Variants in CFAP77 observed in about 807,000 individuals in gnomAD.
CFAP77 encodes cilia- and flagella-associated protein 77.
Under a neutral mutation model 31.1 loss-of-function variants are expected in CFAP77, and 25 were observed. That is an observed-to-expected ratio of 0.80 (90% CI 0.59 to 1.12). The LOEUF (loss-of-function observed/expected upper bound fraction) is 1.12. Among genes scored for constraint, CFAP77 ranks in the 50% most tolerant of loss-of-function variants. The pLI, the probability that CFAP77 is intolerant of heterozygous loss-of-function variation, is 0.00. For synonymous variants in CFAP77, 151 were observed against 159.9 expected (o/e 0.94, Z 0.42); for missense variants, 377 against 397.3 (o/e 0.95, Z 0.44).
intron 5 of CFAP77, among the ~76,000 whole-genome samples, chr9:132,549,607 G>A (rs1852792407): frequency 6.6e-6 from 1 of 152,222 alleles, no homozygotes; most frequent in African/African-American, 2.4e-5. Flanking sequence ...GGAGGCTGAG[G>A]CGGGTGGATC....
rs1281224942 is a variant in CFAP77, at chr9:132,480,059, G to C, written c.196-18636G>C. 6.6e-6 allele frequency among the ~76,000 whole-genome samples: 1 copy of C among 152,166 alleles called. No homozygotes were observed. Among genetic ancestry groups the C allele is most frequent in the Non-Finnish European group, 1.5e-5 (1 of 68,016 alleles). Reference sequence around the variant, plus strand: ...CTCCAGATAGGAAATGGCAGAGCTGGTGGGGGGGACCCTGAAAATCAACCG... The same window carrying C: ...CTCCAGATAGGAAATGGCAGAGCTGCTGGGGGGGACCCTGAAAATCAACCG... On this transcript the variant is annotated intron_variant, in intron 1 of 5. Coordinates refer to ENST00000393216, the MANE Select transcript of CFAP77 (RefSeq NM_001282957.2). This position sits in a 1 kb window ranked among gnomAD's most constrained non-coding sequence, Gnocchi z 5.8.
chr9:132,546,633 A>G (rs1852736351), intron 5 of CFAP77, among the ~76,000 whole-genome samples: 1 of 152,188 alleles, frequency 6.6e-6, no homozygotes. Context: ...CGGGCCACTT[A>G]CAGGGTCGAG....
chr9:132,488,630 C>T (rs927919212), intron 1 of CFAP77, among the ~76,000 whole-genome samples: 10 of 152,216 alleles, frequency 6.6e-5, no homozygotes, highest in African/African-American at 2.4e-4. Context: ...CAGGTAGCTT[C>T]GGATCAAAGC....
intron 1 of CFAP77, among the ~76,000 whole-genome samples, chr9:132,476,188 G>A (rs1224681839): frequency 2.0e-5 from 3 of 152,168 alleles, no homozygotes; most frequent in Admixed American, 6.5e-5. Context: ...ATGCCCAGCT[G>A]TTCTGTAAGT....
intron 3 of CFAP77, among the ~76,000 whole-genome samples, chr9:132,532,585 T>C (rs1354377207): frequency 6.6e-6 from 1 of 152,190 alleles, no homozygotes; most frequent in Non-Finnish European, 1.5e-5. Flanking sequence ...GCAGGCCACA[T>C]AAAACGCAGA....
At chr9:132,504,366 A>G (rs957321454) in intron 3 of CFAP77, among the ~76,000 whole-genome samples, 1 of 152,238 alleles carries the variant, frequency 6.6e-6, no homozygotes, top group Non-Finnish European at 1.5e-5. Context: ...AGCTTTCAAT[A>G]TAGAATCTTA....
At chr9:132,505,988 C>T (rs755702147) in intron 3 of CFAP77, among the ~76,000 whole-genome samples, 6 of 152,192 alleles carry the variant, frequency 3.9e-5, no homozygotes, top group Non-Finnish European at 7.3e-5. Context: ...TAATTGCTAA[C>T]CCTTATGTCC....
At chr9:132,440,990 C>G (rs1305828099) in intron 1 of CFAP77, among the ~76,000 whole-genome samples, 2 of 152,204 alleles carry the variant, frequency 1.3e-5, no homozygotes, top group African/African-American at 4.8e-5. Context: ...AGTCTAGCCT[C>G]CTTGATTTGA....
At chr9:132,520,883 G>A (rs1038327032) in intron 3 of CFAP77, among the ~76,000 whole-genome samples, 3 of 152,206 alleles carry the variant, frequency 2.0e-5, no homozygotes, top group South Asian at 2.1e-4. Context: ...CAGGAGGGCC[G>A]TGCTGCCTAG....
At chr9:132,502,951 C>G (rs1485437299) in intron 3 of CFAP77, among the ~76,000 whole-genome samples, 1 of 152,174 alleles carries the variant, frequency 6.6e-6, no homozygotes, top group African/African-American at 2.4e-5. Context: ...GGGAAAGAAC[C>G]CTGAGGATTG....
Position 132,545,675 on chromosome 9 carries a change from C to T in CFAP77, c.732+2628C>T, listed in dbSNP as rs955409656. Among the ~76,000 whole-genome samples, 1 of 152,186 alleles carries T rather than the reference C, an allele frequency of 6.6e-6. No individual in the cohort carries two copies. Among genetic ancestry groups the T allele is most frequent in the African/African-American group, 2.4e-5 (1 of 41,434 alleles). ...GTGCTGCCGTTATGGGTGTCACACG[C>T]AGTCGCCTCCTTGTCAGGAAGTAAC... On this transcript the variant is annotated intron_variant, in intron 5 of 5. Coordinates refer to ENST00000393216, the MANE Select transcript of CFAP77 (RefSeq NM_001282957.2). This position sits in a 1 kb window ranked among gnomAD's most constrained non-coding sequence, Gnocchi z 4.6.
chr9:132,565,446 A>G lies in CFAP77; in HGVS notation c.733-6942A>G, dbSNP rs1829873701. The stretch of plus-strand genomic sequence containing the variant: ...GGAGTTCCAGAGCAGCCTGGCTAAC[A>G]TGGTAAAACCCCGTCTCTACTAAAA... On this transcript the variant is annotated intron_variant, in intron 5 of 5. Transcript: ENST00000393216. The surrounding 1 kb of genome is among the most constrained non-coding windows in gnomAD (Gnocchi z 4.1). Among the ~76,000 whole-genome samples, 1 of 152,034 alleles carries G rather than the reference A, an allele frequency of 6.6e-6. No homozygotes were observed. Among genetic ancestry groups the G allele is most frequent in the South Asian group, 2.1e-4 (1 of 4,816 alleles).
intron 1 of CFAP77, among the ~76,000 whole-genome samples, chr9:132,442,778 G>A (rs1850633979): frequency 6.6e-6 from 1 of 151,808 alleles, no homozygotes; most frequent in Non-Finnish European, 1.5e-5. Context: ...CTGGGCTCAA[G>A]CGATCCTCCC....
intron 1 of CFAP77, among the ~76,000 whole-genome samples, chr9:132,435,419 T>C (rs867663680): frequency 6.6e-6 from 1 of 152,238 alleles, no homozygotes; most frequent in South Asian, 2.1e-4. Context: ...GCTATCACCA[T>C]GCGTAGCTTT....
chr9:132,483,874 A>G (rs1469869660), intron 1 of CFAP77, among the ~76,000 whole-genome samples: 2 of 151,470 alleles, frequency 1.3e-5, no homozygotes, highest in African/African-American at 4.9e-5. Context: ...TCCTTAAGGG[A>G]GAAAGAGTTT....
At chr9:132,414,277 G>A (rs1298293781) in intron 1 of CFAP77, among the ~76,000 whole-genome samples, 1 of 152,200 alleles carries the variant, frequency 6.6e-6, no homozygotes, top group East Asian at 1.9e-4. Flanking sequence ...TTGAAGGTTT[G>A]TCAAGTGCCC....
At chr9:132,428,547 G>C (rs572527914) in intron 1 of CFAP77, among the ~76,000 whole-genome samples, 1 of 152,104 alleles carries the variant, frequency 6.6e-6, no homozygotes, top group Non-Finnish European at 1.5e-5. Flanking sequence ...CCCGGGAGGC[G>C]GAGGTTGTAG....
chr9:132,443,508 T>A (rs1360825070), intron 1 of CFAP77, among the ~76,000 whole-genome samples: 1 of 152,092 alleles, frequency 6.6e-6, no homozygotes, highest in Non-Finnish European at 1.5e-5. Context: ...CTGCCTCGGC[T>A]TCCCAAAGTG....
intron 1 of CFAP77, among the ~76,000 whole-genome samples, chr9:132,486,162 G>A (rs1383403525): frequency 7.5e-6 from 1 of 133,646 alleles, no homozygotes; most frequent in Non-Finnish European, 1.6e-5. Context: ...GCGCAATCTC[G>A]GCTCACTGCA....
Sources: gnomAD v4.1 joint callset for allele counts (sites outside exome capture counted in the v4.1 genomes callset) on GRCh38, gnomAD v4.1.1 for gene constraint, Gnocchi (gnomAD v3.1) non-coding constraint, MANE v1.5 for transcripts, NCBI Gene and HGNC (gene_info 2026-07-23, HGNC 2026-07-21) for gene names.